Variants in NRP2 observed in about 807,000 individuals in gnomAD.
The protein encoded by NRP2 is neuropilin 2.
In NRP2, 52 loss-of-function variants were observed where a neutral mutation model predicts 110.4. The observed-to-expected ratio is 0.47, with a 90% confidence interval of 0.38 to 0.59. NRP2 has a LOEUF of 0.59. NRP2 is among the 20% of genes least tolerant of loss of function. NRP2 has a pLI of 0.00. For synonymous variants in NRP2, 508 were observed against 468.9 expected (o/e 1.08, Z -1.08); for missense variants, 1,049 against 1,203.0 (o/e 0.87, Z 1.89).
At chr2:205,754,685 G>A (rs1002857090) in intron 12 of NRP2, among the ~76,000 whole-genome samples, 10 of 152,124 alleles carry the variant, frequency 6.6e-5, no homozygotes, top group Non-Finnish European at 1.0e-4. Context: ...ATTAATTCAT[G>A]GTTGTTCCCA....
At position 205,743,487 on chromosome 2, in the gene NRP2, G is replaced by A. The variant is rs2057481451; in HGVS notation, c.1576G>A (p.Val526Ile). ...CAGAGCATTTGTGCGCAAGTTCAAA[G>A]TCTCCTACAGCCTAAACGGCAAGGA... The part of the protein sequence containing the change: ...EARAFVRKFK[V>I]SYSLNGKDWE... Residue 526 changes from valine to isoleucine, a missense_variant, in exon 9 of 17, where the codon GTC becomes ATC. Physicochemically the swap from Val to Ile is conservative, Grantham distance 29 (BLOSUM62 3). Transcript: ENST00000357785. 1 of 1,614,096 alleles carries A rather than the reference G, an allele frequency of 6.2e-7. No individual in the cohort carries two copies. Among genetic ancestry groups the A allele is most frequent in the African/African-American group, 1.3e-5 (1 of 74,928 alleles).
At chr2:205,737,889 A>G (rs928018185) in intron 7 of NRP2, among the ~76,000 whole-genome samples, 22 of 152,154 alleles carry the variant, frequency 1.4e-4, no homozygotes, top group Non-Finnish European at 2.9e-4. Context: ...GGCCACATGT[A>G]TCCATGGGAA....
chr2:205,688,430 A>G (rs1377432569), intron 1 of NRP2, among the ~76,000 whole-genome samples: 1 of 151,980 alleles, frequency 6.6e-6, no homozygotes, highest in African/African-American at 2.4e-5. Context: ...TGTCCTGGAG[A>G]GCTACAGTAT....
At chr2:205,740,848 C>T (rs926113052) in intron 8 of NRP2, among the ~76,000 whole-genome samples, 185 bp downstream of exon 8, 3 of 152,198 alleles carry the variant, frequency 2.0e-5, no homozygotes, top group Non-Finnish European at 2.9e-5. Context: ...TAAGCATCTA[C>T]GATTTCTATT....
intron 1 of NRP2, chr2:205,685,676 C>T (rs2056135516): frequency 6.5e-6 from 1 of 152,686 alleles, no homozygotes; most frequent in African/African-American, 2.4e-5. Context: ...AGCCGCTAGC[C>T]TGCCTCCCTC....
chr2:205,699,666 G>GACTC (rs768692585), intron 2 of NRP2, among the ~76,000 whole-genome samples: 1 of 152,198 alleles, frequency 6.6e-6, no homozygotes, highest in African/African-American at 2.4e-5. Flanking sequence ...GGTTGCCAGA[G>GACTC]ACTCTGACAA....
rs76348517 is a variant in NRP2 at position 205,784,963 on chromosome 2, T to C, written c.2426-7272T>C. On this transcript the variant is annotated intron_variant, in intron 15 of 16. Coordinates refer to ENST00000357785, the MANE Select transcript of NRP2 (RefSeq NM_003872.3). ...CGGTCCTTGGCCACCAGCAAGCTAT[T>C]GGGGGAAATCATCTCTTGAATGGGC... Among the ~76,000 whole-genome samples the C allele has an allele frequency of 5.1e-3, 772 of 152,262 alleles. 11 individuals carry two copies. The highest frequency in any genetic ancestry group is 0.018 in the African/African-American group (729 of 41,538).
chr2:205,788,547 C>G (rs967064026), intron 15 of NRP2, among the ~76,000 whole-genome samples: 1 of 148,178 alleles, frequency 6.7e-6, no homozygotes, highest in Non-Finnish European at 1.5e-5. Flanking sequence ...GACAAGAGAT[C>G]AGGTGCCATG....
intron 15 of NRP2, chr2:205,767,577 AT>A: frequency 1.0e-5 from 3 of 293,498 alleles, no homozygotes; most frequent in South Asian, 8.1e-5. Context: ...CATCCAGGTT[AT>A]AAAAAAAAAA....
chr2:205,789,763 C>T (rs1422789591), intron 15 of NRP2, among the ~76,000 whole-genome samples: 2 of 152,202 alleles, frequency 1.3e-5, no homozygotes, highest in Non-Finnish European at 2.9e-5. Flanking sequence ...GAGAGAACCA[C>T]ATTCCTTCCT....
At chr2:205,722,810 G>A (rs1051005865) in intron 4 of NRP2, 102 bp downstream of exon 4, 1 of 902,952 alleles carries the variant, frequency 1.1e-6, no homozygotes, top group Non-Finnish European at 1.8e-6. Context: ...GCTCCTATGA[G>A]TTCTTATATG....
At chr2:205,722,264 T>C in intron 3 of NRP2, 1 of 574,208 alleles carries the variant, frequency 1.7e-6, no homozygotes. Flanking sequence ...GCTCTCACTC[T>C]AATAATTATG....
intron 10 of NRP2, 143 bp downstream of exon 10, chr2:205,746,033 T>G: frequency 1.1e-6 from 1 of 898,664 alleles, no homozygotes. Flanking sequence ...TTCTCCTGCC[T>G]CAGACCACGG....
intron 7 of NRP2, among the ~76,000 whole-genome samples, chr2:205,729,196 A>G (rs2057188076): frequency 6.6e-6 from 1 of 152,228 alleles, no homozygotes; most frequent in South Asian, 2.1e-4. Context: ...GGAAACGGGA[A>G]AAGGAGTAGA....
intron 2 of NRP2, chr2:205,697,975 G>A (rs1349718301): frequency 5.8e-6 from 3 of 518,722 alleles, no homozygotes; most frequent in Non-Finnish European, 1.1e-5. Flanking sequence ...CCAAAGGCCG[G>A]TAGTGGAGGA....
intron 15 of NRP2, among the ~76,000 whole-genome samples, chr2:205,791,395 C>A (rs558687402): frequency 1.3e-5 from 2 of 152,340 alleles, no homozygotes; most frequent in African/African-American, 4.8e-5. Flanking sequence ...AGATGTTGCT[C>A]TTTGCCATGC....
rs374017877 is a variant in NRP2 at position 205,763,825 on chromosome 2, G to A, written c.2196G>A (p.Val732=). Residue 732 remains valine (V), a synonymous_variant, in exon 13 of 17, where the codon GTG becomes GTA. Transcript: ENST00000357785. The surrounding 1 kb of genome is among the most constrained non-coding windows in gnomAD (Gnocchi z 4.0). The part of the protein sequence containing the change: ...ATGGRGVALQ[V]VREASQESKL... ...GCGGCCGCGGGGTGGCGCTGCAGGT[G>A]GTGCGGGAAGCCAGCCAGGAGAGCA... 2 of 1,614,102 alleles carry A rather than the reference G, an allele frequency of 1.2e-6. No homozygotes were observed. The highest frequency in any genetic ancestry group is 1.7e-6 in the Non-Finnish European group (2 of 1,180,014).
In NRP2 at chr2:205,766,754, A is replaced by T. The variant is rs748704930; in HGVS notation, c.2405-29A>T. 2.2e-5 allele frequency: 35 copies of T among 1,607,764 alleles called. No individual in the cohort carries two copies. The East Asian group carries it at 7.8e-4, about 36-fold the overall frequency. On this transcript the variant is annotated intron_variant, in intron 14 of 16. Coordinates refer to ENST00000357785, the MANE Select transcript of NRP2 (RefSeq NM_003872.3). ...ACCCAATTGTTTCTTGCCTTTAACT[A>T]AGTCCAATTTTTTGTTTGTTTTTTT...
intron 3 of NRP2, chr2:205,722,227 A>AC (rs1474822886): frequency 8.6e-6 from 4 of 463,896 alleles, no homozygotes; most frequent in African/African-American, 2.5e-5. Context: ...CTGTACCTCC[A>AC]CCCCACTCCC....
Sources: allele counts gnomAD v4.1 joint callset (sites outside exome capture counted in the v4.1 genomes callset), GRCh38; gene constraint gnomAD v4.1.1; non-coding constraint Gnocchi (gnomAD v3.1); transcripts MANE v1.5; gene names NCBI Gene and HGNC (gene_info 2026-07-23, HGNC 2026-07-21).